The following EPHA5 variants were observed in gnomAD, a reference collection of about 807,000 sequenced individuals.
EPHA5 encodes ephrin type-A receptor 5.
Under a neutral mutation model 105.0 loss-of-function variants are expected in EPHA5, and 60 were observed. The ratio of observed to expected loss-of-function variants is 0.57; its 90% CI spans 0.46 to 0.71. The LOEUF (loss-of-function observed/expected upper bound fraction) is 0.71, where lower values mean the gene tolerates loss of function less well. Ranked by LOEUF, EPHA5 falls within the 30% of genes least tolerant of loss-of-function variation. The pLI is 0.00. For missense variants in EPHA5, 1,218 were observed against 1,274.7 expected, an observed-to-expected ratio of 0.96 and a Z score of 0.68; for synonymous variants, 513 against 449.1, an observed-to-expected ratio of 1.14 and a Z score of -1.80.
At chr4:65,664,641 A>G (rs1272079212) in intron 1 of EPHA5, among the ~76,000 whole-genome samples, 3 of 151,934 alleles carry the variant, frequency 2.0e-5, no homozygotes, top group Non-Finnish European at 4.4e-5. Context: ...CCTATGAATT[A>G]CATAACTTTT....
At chr4:65,481,806 T>TAGAG (rs2149189560) in intron 5 of EPHA5, among the ~76,000 whole-genome samples, 1 of 152,348 alleles carries the variant, frequency 6.6e-6, no homozygotes, top group African/African-American at 2.4e-5. Context: ...AATATCTGAT[T>TAGAG]AGAGATTCTA....
intron 3 of EPHA5, chr4:65,573,660 A>G (rs1390636411): frequency 6.2e-7 from 1 of 1,602,320 alleles, no homozygotes; most frequent in Non-Finnish European, 8.5e-7. Flanking sequence ...CAGAAAGGCC[A>G]TGTACAAGAG....
In EPHA5 at chr4:65,348,707, ATGTGTGTGT is replaced by A. The variant is rs1360631251; in HGVS notation, c.2446-513_2446-505del. 3.9e-3 allele frequency among the ~76,000 whole-genome samples: 471 copies of A among 122,094 alleles called. 11 individuals are homozygous for A. Among genetic ancestry groups the A allele is most frequent in the Admixed American group, 5.3e-3 (58 of 10,958 alleles). The allele number at this position is 122,094 out of a possible 152,430, so 80.1% of individuals were successfully genotyped here. ...ATATATATATATATATAAAATATAT[ATGTGTGTGT>A]ATATATATGTGTGTGTATATATATG... On this transcript the variant is annotated intron_variant, in intron 13 of 16. Coordinates refer to ENST00000613740, the MANE Select transcript of EPHA5 (RefSeq NM_001281766.3).
chr4:65,522,782 G>A (rs773174656), intron 3 of EPHA5, among the ~76,000 whole-genome samples: 35 of 151,936 alleles, frequency 2.3e-4, no homozygotes, highest in Non-Finnish European at 3.1e-4. Flanking sequence ...TGTCCTTCAT[G>A]AGCTCTTCAC....
chr4:65,342,611 A>G (rs1363561116), intron 14 of EPHA5, among the ~76,000 whole-genome samples: 1 of 151,848 alleles, frequency 6.6e-6, no homozygotes, highest in African/African-American at 2.4e-5. Context: ...AGCAGTATAA[A>G]TTATATGTAT....
chr4:65,618,293 C>A (rs1489618908), intron 2 of EPHA5, among the ~76,000 whole-genome samples: 2 of 152,006 alleles, frequency 1.3e-5, no homozygotes, highest in African/African-American at 4.8e-5. Context: ...TTCATTAATT[C>A]TTTGATTATA....
At chr4:65,377,873 A>G (rs1719164456) in intron 8 of EPHA5, among the ~76,000 whole-genome samples, 1 of 151,942 alleles carries the variant, frequency 6.6e-6, no homozygotes, top group Non-Finnish European at 1.5e-5. Flanking sequence ...AATGCATTCA[A>G]TTCTATGTAT....
chr4:65,340,435 T>C (rs1470755888), intron 14 of EPHA5, among the ~76,000 whole-genome samples: 4 of 152,088 alleles, frequency 2.6e-5, no homozygotes, highest in African/African-American at 4.8e-5. Flanking sequence ...GGATAACTGA[T>C]ACAGAGCAGC....
At chr4:65,376,715 T>C (rs539009213) in intron 8 of EPHA5, among the ~76,000 whole-genome samples, 29 of 152,148 alleles carry the variant, frequency 1.9e-4, no homozygotes, top group Non-Finnish European at 3.1e-4. Flanking sequence ...TGGTGACATG[T>C]TAAAGTTAGA....
At chr4:65,335,847 C>T (rs571824563) in intron 15 of EPHA5, 85 bp downstream of exon 15, 159 of 1,366,392 alleles carry the variant, frequency 1.2e-4, no homozygotes, top group Admixed American at 4.4e-4. Context: ...AATGTCTATA[C>T]GAGAATGATT....
intron 3 of EPHA5, among the ~76,000 whole-genome samples, chr4:65,533,331 C>T (rs1371116268): frequency 6.6e-6 from 1 of 151,880 alleles, no homozygotes; most frequent in African/African-American, 2.4e-5. Context: ...TTTATAAAAC[C>T]ATTTTTTTGT....
At chr4:65,550,153 AT>A (rs1423008931) in intron 3 of EPHA5, among the ~76,000 whole-genome samples, 1 of 151,852 alleles carries the variant, frequency 6.6e-6, no homozygotes, top group African/African-American at 2.4e-5. Flanking sequence ...TGATAATCAA[AT>A]TTTTTTCTTT....
chr4:65,385,574 G>C (rs775333996), intron 8 of EPHA5, among the ~76,000 whole-genome samples: 44 of 151,654 alleles, frequency 2.9e-4, no homozygotes, highest in Non-Finnish European at 5.6e-4. Flanking sequence ...TATTAGTATT[G>C]ATCAGTAGCA....
At chr4:65,622,838 C>T (rs1436279509) in intron 2 of EPHA5, among the ~76,000 whole-genome samples, 1 of 151,988 alleles carries the variant, frequency 6.6e-6, no homozygotes, top group East Asian at 1.9e-4. Flanking sequence ...GTCTGGCTTC[C>T]AAGATAAAGT....
intron 3 of EPHA5, among the ~76,000 whole-genome samples, chr4:65,593,309 C>T (rs1742856125): frequency 6.6e-6 from 1 of 152,052 alleles, no homozygotes; most frequent in South Asian, 2.1e-4. Flanking sequence ...AACATTGATA[C>T]TGTACTATTT....
At chr4:65,420,611 A>AAAAGT in intron 5 of EPHA5, 46 bp from the exon 6 acceptor site, 1 of 1,583,838 alleles carries the variant, frequency 6.3e-7, no homozygotes, top group Admixed American at 1.8e-5. Flanking sequence ...ATAAGGCCCT[A>AAAAGT]AAAGTAAACC....
At chr4:65,552,302 T>A (rs1482608566) in intron 3 of EPHA5, among the ~76,000 whole-genome samples, 2 of 152,222 alleles carry the variant, frequency 1.3e-5, no homozygotes, top group Non-Finnish European at 2.9e-5. Flanking sequence ...GTAAAATTGT[T>A]AAAGCGATAT....
At position 65,495,377 on chromosome 4, in the gene EPHA5, G is replaced by A. The variant is rs936368496; in HGVS notation, c.1066+11C>T. 1.2e-6 allele frequency: 2 copies of A among 1,608,804 alleles called. No homozygotes were observed. Among genetic ancestry groups the A allele is most frequent in the African/African-American group, 1.3e-5 (1 of 74,614 alleles). On this transcript the variant is annotated intron_variant, in intron 4 of 16. Coordinates refer to ENST00000613740, the MANE Select transcript of EPHA5 (RefSeq NM_001281766.3). ...AAGTTAGCACCACCAAATATCCGTG[G>A]GTTTCCTTACTTGTGCATGCCATTG...
chr4:65,486,224 C>G (rs55719970), intron 5 of EPHA5, among the ~76,000 whole-genome samples: 1 of 152,048 alleles, frequency 6.6e-6, no homozygotes, highest in East Asian at 1.9e-4. Context: ...AAAATTTATA[C>G]CAGGTCATTG....
Sources: allele counts gnomAD v4.1 joint callset (sites outside exome capture counted in the v4.1 genomes callset), GRCh38; gene constraint gnomAD v4.1.1; transcripts MANE v1.5; gene names NCBI Gene and HGNC (gene_info 2026-07-23, HGNC 2026-07-21).